PPP6R1: variants seen among roughly 807,000 people sequenced by gnomAD.
PPP6R1 encodes the protein protein phosphatase 6 regulatory subunit 1.
In PPP6R1, 39 loss-of-function variants were observed where a neutral mutation model predicts 104.6. The observed-to-expected ratio is 0.37, with a 90% confidence interval of 0.29 to 0.49. The LOEUF (loss-of-function observed/expected upper bound fraction) is 0.49. PPP6R1 is among the 20% of genes least tolerant of loss of function. The pLI is 0.98. For missense variants in PPP6R1, 1,181 were observed against 1,155.8 expected, an observed-to-expected ratio of 1.02 and a Z score of -0.32; for synonymous variants, 549 against 479.0, an observed-to-expected ratio of 1.15 and a Z score of -1.91.
At chr19:55,258,125 C>T (rs1389197915) in intron 1 of PPP6R1, among the ~76,000 whole-genome samples, 1 of 152,186 alleles carries the variant, frequency 6.6e-6, no homozygotes, top group African/African-American at 2.4e-5. Flanking sequence ...GCCAGAGAGG[C>T]AAGAGAGCGG....
At position 55,240,265 on chromosome 19, in the gene PPP6R1, C is replaced by T. The variant is rs78096810; in HGVS notation, c.1332G>A (p.Leu444=). ...LQQCRLVERI[L]TSWEENDRVQ... ...CACGGTCGTTCTCCTCCCAGGACGT[C>T]AGGATCCGCTCCACCAGGCGGCACT... The change falls in exon 11 of 24, where the codon CTG becomes CTA. Residue 444 remains leucine, a synonymous_variant. Transcript: ENST00000412770. 1 of 1,595,156 alleles carries T rather than the reference C, an allele frequency of 6.3e-7. No homozygotes were observed. Among genetic ancestry groups the T allele is most frequent in the East Asian group, 2.3e-5 (1 of 43,726 alleles).
At chr19:55,237,930 A>T (rs1427689404) in intron 15 of PPP6R1, among the ~76,000 whole-genome samples, 1 of 152,148 alleles carries the variant, frequency 6.6e-6, no homozygotes, top group African/African-American at 2.4e-5. Context: ...TTGTTCACTT[A>T]ACTTCTTAAC....
intron 1 of PPP6R1, chr19:55,247,419 TCAGGCCTGGTG>T: frequency 5.1e-6 from 2 of 392,604 alleles, no homozygotes; most frequent in Non-Finnish European, 9.5e-6. Context: ...ACCTGAGGCC[TCAGGCCTGGTG>T]AAGTCCCCAG....
chr19:55,232,369 G>A (rs1779445418), intron 17 of PPP6R1, 158 bp from the exon 18 acceptor site: 2 of 1,116,684 alleles, frequency 1.8e-6, no homozygotes, highest in Non-Finnish European at 1.2e-6. Context: ...GACACCAGGA[G>A]AGGCTGGGAG....
chr19:55,234,771 G>A (rs1161379369), intron 17 of PPP6R1, among the ~76,000 whole-genome samples: 1 of 152,218 alleles, frequency 6.6e-6, no homozygotes, highest in African/African-American at 2.4e-5. Context: ...ACGAGAGCCA[G>A]GGGCACCCAA....
Position 55,239,687 on chromosome 19 carries a change from G to C in PPP6R1, c.1564-4C>G. The C allele has an allele frequency of 6.2e-7, 1 of 1,608,434 alleles. No individual in the cohort carries two copies. The highest frequency in any genetic ancestry group is 8.5e-7 in the Non-Finnish European group (1 of 1,176,862). On this transcript the variant is annotated splice_region_variant and splice_polypyrimidine_tract_variant and intron_variant, in intron 13 of 23. Transcript: ENST00000412770. ...AGTGTAGGTGGTGGGTGTTCACCTG[G>C]GGAGAGGAGGGGGCGTCAGGGCCTG...
In PPP6R1 at chr19:55,230,311, T is replaced by C; in HGVS notation, c.*217A>G. 9.8e-6 allele frequency: 6 copies of C among 610,836 alleles called. No homozygotes were observed. The highest frequency in any genetic ancestry group is 2.9e-6 in the Non-Finnish European group (1 of 345,474). The allele number at this position is 610,836 out of a possible 1,614,324, so 37.8% of individuals were successfully genotyped here. On this transcript the variant is annotated 3_prime_UTR_variant, in exon 24 of 24. Transcript: ENST00000412770. ...CTCTATTTGACTCTCTGTATCTTTA[T>C]TCTAGGAGGCAACGCTCCAAAACTT...
chr19:55,246,065 GC>G (rs2087505433), intron 2 of PPP6R1, among the ~76,000 whole-genome samples: 1 of 152,106 alleles, frequency 6.6e-6, no homozygotes, highest in Non-Finnish European at 1.5e-5. Flanking sequence ...CTCACCTCCT[GC>G]CTCCCTCCTC....
chr19:55,232,245 T>TG, intron 17 of PPP6R1, 34 bp from the exon 18 acceptor site: 1 of 1,516,948 alleles, frequency 6.6e-7, no homozygotes, highest in Non-Finnish European at 8.9e-7. Context: ...GCTAGCTGTG[T>TG]GGGACAGACC....
intron 15 of PPP6R1, chr19:55,239,067 A>G (rs1600107527): frequency 5.9e-6 from 2 of 338,972 alleles, no homozygotes; most frequent in East Asian, 1.4e-4. Context: ...GCTGGTCCCC[A>G]CTACCCTGAG....
chr19:55,246,636 C>T (rs931194693), intron 2 of PPP6R1, among the ~76,000 whole-genome samples: 4 of 152,202 alleles, frequency 2.6e-5, no homozygotes, highest in East Asian at 1.9e-4. Context: ...CACCTGGGCC[C>T]GTGAATTTGT....
chr19:55,239,221 G>A (rs753628512), intron 15 of PPP6R1, 184 bp downstream of exon 15: 8 of 619,968 alleles, frequency 1.3e-5, no homozygotes, highest in African/African-American at 3.7e-5. Flanking sequence ...TCATGTAACA[G>A]GAGGCAGACA....
In PPP6R1 at chr19:55,245,851, C is replaced by T. The variant is rs1433682196; in HGVS notation, c.228-173G>A. On this transcript the variant is annotated intron_variant, in intron 2 of 23. Transcript: ENST00000412770. This position sits in a 1 kb window ranked among gnomAD's most constrained non-coding sequence, Gnocchi z 6.4. ...GGTGACGCAGAAACAAGGGCCCACA[C>T]CAGGCCTCCTCCACCCTGCTAACAC... 6.6e-6 allele frequency among the ~76,000 whole-genome samples: 1 copy of T among 152,094 alleles called. No homozygotes were observed. Among genetic ancestry groups the T allele is most frequent in the African/African-American group, 2.4e-5 (1 of 41,406 alleles).
intron 21 of PPP6R1, 147 bp from the exon 22 acceptor site, chr19:55,231,031 C>T: frequency 1.4e-6 from 1 of 705,916 alleles, no homozygotes; most frequent in Non-Finnish European, 2.4e-6. Flanking sequence ...ACGCAGCTGG[C>T]TCAGCGTGGA....
At chr19:55,239,270 G>C in intron 15 of PPP6R1, 135 bp downstream of exon 15, 1 of 831,946 alleles carries the variant, frequency 1.2e-6, no homozygotes, top group South Asian at 1.6e-5. Flanking sequence ...CACGGCCAAC[G>C]CGTGCCCAGG....
Position 55,245,493 on chromosome 19 carries a change from T to A in PPP6R1, c.413A>T (p.Gln138Leu). The change falls in exon 3 of 24, where the codon CAG (glutamine) becomes CTG (leucine). Residue 138 changes from glutamine to leucine, a missense_variant and splice_region_variant. By Grantham distance (113) the Gln-to-Leu change is moderately radical. This residue lies in a region of PPP6R1 where 139 missense variants were observed against 200.1 expected (regional missense o/e 0.69). Coordinates refer to ENST00000412770, the MANE Select transcript of PPP6R1 (RefSeq NM_014931.4). The surrounding 1 kb of genome is among the most constrained non-coding windows in gnomAD (Gnocchi z 6.4). ...MGILINRKTD[Q>L]LVSFLRKKDD... ...GCGCCAGGGTGGGGGCCAGGGCACCTGGTCTGTCTTGCGGTTGATGAGGAT... is the reference window on the plus strand; with the variant it reads ...GCGCCAGGGTGGGGGCCAGGGCACCAGGTCTGTCTTGCGGTTGATGAGGAT... The A allele has an allele frequency of 6.2e-7, 1 of 1,609,492 alleles. No homozygotes were observed. The highest frequency in any genetic ancestry group is 8.5e-7 in the Non-Finnish European group (1 of 1,178,002).
intron 5 of PPP6R1, among the ~76,000 whole-genome samples, chr19:55,244,881 C>T (rs1356428011): frequency 6.6e-6 from 1 of 152,080 alleles, no homozygotes; most frequent in African/African-American, 2.4e-5. Flanking sequence ...GTAGCTGGGA[C>T]TACAGGTGTG....
At chr19:55,246,850 G>T (rs773817551) in intron 2 of PPP6R1, 27 bp downstream of exon 2, 1 of 1,532,778 alleles carries the variant, frequency 6.5e-7, no homozygotes. Context: ...TGATAGGGAC[G>T]GGCTGGCCAG....
chr19:55,235,351 G>A lies in PPP6R1; in HGVS notation c.1988+1292C>T, dbSNP rs1265039560. Among the ~76,000 whole-genome samples, 7 of 152,012 alleles carry A rather than the reference G, an allele frequency of 4.6e-5. No homozygotes were observed. The East Asian group carries it at 5.8e-4, about 13-fold the overall frequency. On this transcript the variant is annotated intron_variant, in intron 17 of 23. Coordinates refer to ENST00000412770, the MANE Select transcript of PPP6R1 (RefSeq NM_014931.4). ...ATCTTACCCCCCTTTCTAGGAAAAC[G>A]TGTGAGAGCTAACACGAGGAAGTGA... is the stretch of plus-strand genomic sequence containing the variant.
Sources: gnomAD v4.1 joint callset for allele counts (sites outside exome capture counted in the v4.1 genomes callset) on GRCh38, gnomAD v4.1.1 for gene constraint, gnomAD v4.1.1 regional missense constraint, Gnocchi (gnomAD v3.1) non-coding constraint, MANE v1.5 for transcripts, NCBI Gene and HGNC (gene_info 2026-07-23, HGNC 2026-07-21) for gene names.